The following AP4E1 variants were observed in gnomAD, a reference collection of about 807,000 sequenced individuals.
AP4E1 encodes adaptor related protein complex 4 subunit epsilon 1, also known as AP-4 complex subunit epsilon-1.
In AP4E1, 56 loss-of-function variants were observed where a neutral mutation model predicts 128.2. The observed-to-expected ratio is 0.44, with a 90% CI of 0.35 to 0.55. AP4E1 has a LOEUF of 0.55. AP4E1 is among the 20% of genes least tolerant of loss of function. The probability of loss-of-function intolerance (pLI) is 0.00; values close to 1 mark genes in which losing one functional copy is unlikely to be tolerated. For synonymous variants in AP4E1, 484 were observed against 473.1 expected, an observed-to-expected ratio of 1.02 and a Z score of -0.30; for missense variants, 1,324 against 1,307.7, an observed-to-expected ratio of 1.01 and a Z score of -0.19.
At chr15:50,975,346 A>G (rs2064537329) in intron 15 of AP4E1, among the ~76,000 whole-genome samples, 1 of 152,232 alleles carries the variant, frequency 6.6e-6, no homozygotes, top group South Asian at 2.1e-4. Context: ...TGGAGGTTGC[A>G]GTGAGCTGAG....
chr15:50,919,351 G>A (rs1438512378), intron 3 of AP4E1, among the ~76,000 whole-genome samples: 1 of 151,774 alleles, frequency 6.6e-6, no homozygotes, highest in Non-Finnish European at 1.5e-5. Context: ...TGACCAACAT[G>A]GAGAAACCCT....
At chr15:50,975,191 A>G (rs1215990873) in intron 15 of AP4E1, among the ~76,000 whole-genome samples, 2 of 152,188 alleles carry the variant, frequency 1.3e-5, no homozygotes, top group Non-Finnish European at 2.9e-5. Context: ...GGACCACCTG[A>G]GGTCGGGAGT....
intron 3 of AP4E1, among the ~76,000 whole-genome samples, 181 bp from the exon 4 acceptor site, chr15:50,923,750 T>C (rs575811353): frequency 6.6e-6 from 1 of 152,334 alleles, no homozygotes; most frequent in Non-Finnish European, 1.5e-5. Context: ...CTGGAAGATT[T>C]CAGGGTGAAG....
chr15:50,924,450 A>G (rs1372103508), intron 4 of AP4E1, among the ~76,000 whole-genome samples: 1 of 152,146 alleles, frequency 6.6e-6, no homozygotes, highest in African/African-American at 2.4e-5. Context: ...GAGATAATAA[A>G]AACAATCCTC....
At chr15:50,919,778 A>G (rs915421560) in intron 3 of AP4E1, among the ~76,000 whole-genome samples, 1 of 151,788 alleles carries the variant, frequency 6.6e-6, no homozygotes, top group African/African-American at 2.4e-5. Context: ...ATCATTTTTT[A>G]AAGATATAAT....
chr15:50,938,335 T>A (rs948855529), intron 8 of AP4E1, among the ~76,000 whole-genome samples: 5 of 152,154 alleles, frequency 3.3e-5, no homozygotes, highest in Admixed American at 1.3e-4. Context: ...TAGAAAACTT[T>A]TAGATGATAA....
At chr15:50,990,989 G>C (rs894439767) in intron 16 of AP4E1, among the ~76,000 whole-genome samples, 8 of 152,196 alleles carry the variant, frequency 5.3e-5, no homozygotes, top group Admixed American at 1.3e-4. Context: ...TGCATTGCCG[G>C]TGACAACCTC....
chr15:50,960,124 G>A (rs960844435), intron 14 of AP4E1, among the ~76,000 whole-genome samples: 3 of 152,108 alleles, frequency 2.0e-5, no homozygotes, highest in African/African-American at 7.2e-5. Flanking sequence ...TATATATAAA[G>A]CAAATATTAT....
chr15:50,917,839 C>T (rs1252813023), intron 3 of AP4E1, among the ~76,000 whole-genome samples: 1 of 152,142 alleles, frequency 6.6e-6, no homozygotes, highest in East Asian at 1.9e-4. Flanking sequence ...GTGGCTCATG[C>T]GTGTAATCCC....
rs574282626 is a variant in AP4E1 at position 50,916,371 on chromosome 15, G to T, written c.346+800G>T. ...TCTCAAATGTTAGCTATGAGGATTA[G>T]CAGTGTCTTAAAAAAATTTTCTCTC... On this transcript the variant is annotated intron_variant, in intron 3 of 20. Coordinates refer to ENST00000261842, the MANE Select transcript of AP4E1 (RefSeq NM_007347.5). 8.1e-4 allele frequency among the ~76,000 whole-genome samples: 124 copies of T among 152,256 alleles called. 1 individual carries two copies. The highest frequency in any genetic ancestry group is 2.9e-3 in the African/African-American group (119 of 41,556).
intron 17 of AP4E1, among the ~76,000 whole-genome samples, chr15:50,995,690 C>T (rs1457487344): frequency 2.0e-5 from 3 of 151,976 alleles, no homozygotes; most frequent in Non-Finnish European, 2.9e-5. Context: ...CCGGCCTCAC[C>T]TTCATTTTTA....
rs2063754465 is a variant in AP4E1 at position 50,925,219 on chromosome 15, A to G, written c.542A>G (p.Lys181Arg). The G allele has an allele frequency of 1.2e-6, 2 of 1,612,842 alleles. No individual in the cohort carries two copies. The highest frequency in any genetic ancestry group is 3.3e-5 in the Admixed American group (2 of 60,008). Residue 181 changes from lysine (K) to arginine (R), a missense_variant and splice_region_variant, in exon 5 of 21, where the codon AAG (lysine) becomes AGG (arginine). Coordinates refer to ENST00000261842, the MANE Select transcript of AP4E1 (RefSeq NM_007347.5). ...PLIEDKLQHS[K>R]EIVRRKAVLA... is the part of the protein sequence containing the mutation. ...ATAGAAGATAAACTTCAACATTCTA[A>G]GTAAGTAAATTCTTTTGGGATAGGC...
intron 17 of AP4E1, 82 bp downstream of exon 17, chr15:50,993,707 G>T: frequency 6.4e-7 from 1 of 1,557,246 alleles, no homozygotes. Context: ...GCTCCTGGCT[G>T]TCGTCTATAT....
chr15:50,909,888 T>C lies in AP4E1; in HGVS notation c.150+960T>C, dbSNP rs190179884. ...TTTTCGTAGAGACGGGGTTTCACCG[T>C]GTTAGCGAGGATGGTCTCGATCTCC... On this transcript the variant is annotated intron_variant, in intron 1 of 20. Coordinates refer to ENST00000261842, the MANE Select transcript of AP4E1 (RefSeq NM_007347.5). Among the ~76,000 whole-genome samples, 679 of 152,298 alleles carry C rather than the reference T, an allele frequency of 4.5e-3. 5 individuals carry two copies. The highest frequency in any genetic ancestry group is 0.015 in the African/African-American group (635 of 41,564).
intron 15 of AP4E1, among the ~76,000 whole-genome samples, chr15:50,975,478 G>A (rs1407029325): frequency 1.3e-5 from 2 of 152,048 alleles, no homozygotes; most frequent in Non-Finnish European, 2.9e-5. Context: ...TTTATGTATG[G>A]TATAAGATAA....
intron 16 of AP4E1, among the ~76,000 whole-genome samples, chr15:50,989,058 AT>A (rs1318250710): frequency 1.3e-5 from 2 of 152,236 alleles, no homozygotes; most frequent in Non-Finnish European, 2.9e-5. Flanking sequence ...AGTTGCTGTT[AT>A]TAATAATGAT....
At chr15:50,910,323 C>G (rs1389962001) in intron 1 of AP4E1, among the ~76,000 whole-genome samples, 1 of 152,054 alleles carries the variant, frequency 6.6e-6, no homozygotes, top group African/African-American at 2.4e-5. Flanking sequence ...TGTAGTATAC[C>G]GATTCACAGC....
Position 51,002,804 on chromosome 15 carries a change from C to A in AP4E1, c.*142C>A. Reference sequence around the variant, plus strand: ...TGGTTTATATGTTTTCTTTGTGATTCCTGGTCAAGAAAGATCCCCAAAACT... The same window carrying A: ...TGGTTTATATGTTTTCTTTGTGATTACTGGTCAAGAAAGATCCCCAAAACT... On this transcript the variant is annotated 3_prime_UTR_variant, in exon 21 of 21. Coordinates refer to ENST00000261842, the MANE Select transcript of AP4E1 (RefSeq NM_007347.5). 2.9e-6 allele frequency: 3 copies of A among 1,050,502 alleles called. No individual in the cohort carries two copies. Among genetic ancestry groups the A allele is most frequent in the Non-Finnish European group, 4.2e-6 (3 of 714,864 alleles). The allele number at this position is 1,050,502 out of a possible 1,614,324, so 65.1% of individuals were successfully genotyped here.
chr15:50,970,064 T>G (rs2064457724), intron 15 of AP4E1, among the ~76,000 whole-genome samples: 1 of 152,212 alleles, frequency 6.6e-6, no homozygotes, highest in Admixed American at 6.5e-5. Context: ...CTAGCTGTAA[T>G]TTTTTATCCT....
Sources: gnomAD v4.1 joint callset for allele counts (sites outside exome capture counted in the v4.1 genomes callset) on GRCh38, gnomAD v4.1.1 for gene constraint, MANE v1.5 for transcripts, NCBI Gene and HGNC (gene_info 2026-07-23, HGNC 2026-07-21) for gene names.